The following MYO1E variants were observed in gnomAD, a reference collection of about 807,000 sequenced individuals.
MYO1E encodes the protein myosin IE.
MYO1E carries 68 observed loss-of-function variants against 151.1 expected under a neutral mutation model. That is an observed-to-expected ratio of 0.45 (90% CI 0.37 to 0.55). The LOEUF is 0.55. Among genes scored for constraint, MYO1E ranks in the 20% least tolerant of loss-of-function variants. The pLI, the probability that MYO1E is intolerant of heterozygous loss-of-function variation, is 0.00. For missense variants in MYO1E, 1,363 were observed against 1,389.3 expected, an observed-to-expected ratio of 0.98 and a Z score of 0.30; for synonymous variants, 601 against 501.7, an observed-to-expected ratio of 1.20 and a Z score of -2.64.
intron 16 of MYO1E, among the ~76,000 whole-genome samples, chr15:59,201,479 A>C (rs2079801858): frequency 6.8e-6 from 1 of 146,688 alleles, no homozygotes; most frequent in Non-Finnish European, 1.5e-5. Flanking sequence ...ATCTTGGCTC[A>C]CTGCAACCTC....
chr15:59,367,330 C>G (rs1035766870), intron 1 of MYO1E, among the ~76,000 whole-genome samples: 1 of 151,280 alleles, frequency 6.6e-6, no homozygotes, highest in Non-Finnish European at 1.5e-5. Flanking sequence ...ATCTAACCCT[C>G]AGGAAAACGC....
At chr15:59,185,953 T>C (rs1245746941) in intron 18 of MYO1E, among the ~76,000 whole-genome samples, 2 of 151,818 alleles carry the variant, frequency 1.3e-5, no homozygotes, top group African/African-American at 4.8e-5. Context: ...TGGTCTGAGG[T>C]TGAGAAAACC....
At chr15:59,366,122 G>A (rs1456188102) in intron 1 of MYO1E, among the ~76,000 whole-genome samples, 1 of 152,014 alleles carries the variant, frequency 6.6e-6, no homozygotes, top group Non-Finnish European at 1.5e-5. Flanking sequence ...TGCGATTACA[G>A]GCATGCACCA....
intron 1 of MYO1E, among the ~76,000 whole-genome samples, chr15:59,370,413 G>C (rs927802601): frequency 1.3e-5 from 2 of 152,206 alleles, no homozygotes; most frequent in African/African-American, 4.8e-5. Flanking sequence ...AATCACTCTG[G>C]ATCCAGTAGA....
At chr15:59,206,974 CAG>C (rs781401201) in intron 14 of MYO1E, 22 of 1,614,104 alleles carry the variant, frequency 1.4e-5, no homozygotes, top group South Asian at 1.1e-5. Context: ...GCGGGCCAGC[CAG>C]AGAGTGAGCT....
Position 59,231,770 on chromosome 15 carries a change from G to A in MYO1E, c.442C>T (p.Gln148Ter), listed in dbSNP as rs1487961970. 1 of 1,614,032 alleles carries A rather than the reference G, an allele frequency of 6.2e-7. No individual in the cohort carries two copies. Among genetic ancestry groups the A allele is most frequent in the Non-Finnish European group, 8.5e-7 (1 of 1,180,006 alleles). Reference sequence around the variant, plus strand: ...AAGGCCTCCAGCAGCGGGTTGGACTGCAGGATAATGTCCTTCACGTGCTGT... The same window carrying A: ...AAGGCCTCCAGCAGCGGGTTGGACTACAGGATAATGTCCTTCACGTGCTGT... The part of the protein sequence containing the change: ...KVQHVKDIIL[Q>*]SNPLLEAFGN... Residue 148 changes from glutamine (Q) to a stop codon, truncating the protein, a stop_gained, in exon 6 of 28, where the codon CAG becomes TAG. Coordinates refer to ENST00000288235, the MANE Select transcript of MYO1E (RefSeq NM_004998.4). LOFTEE classifies it high-confidence loss of function.
Position 59,354,481 on chromosome 15 carries a change from C to T in MYO1E, c.3+18017G>A, listed in dbSNP as rs534884836. ...AGCAGCCTAACCACTCCCCCACAAA[C>T]GTCAGAAAAGCCCTCGCTTGGGGTC... On this transcript the variant is annotated intron_variant, in intron 1 of 27. Transcript: ENST00000288235. Among the ~76,000 whole-genome samples the T allele has an allele frequency of 3.9e-5, 6 of 152,290 alleles. No homozygotes were observed. In the East Asian group the frequency reaches 1.2e-3, roughly 29 times the overall value.
chr15:59,227,481 C>T lies in MYO1E; in HGVS notation c.620G>A (p.Arg207Gln), dbSNP rs749647245. 1.5e-5 allele frequency: 24 copies of T among 1,614,094 alleles called. No individual in the cohort carries two copies. The highest frequency in any genetic ancestry group is 3.3e-5 in the South Asian group (3 of 91,076). The change falls in exon 7 of 28, where the codon CGG becomes CAG. Residue 207 changes from arginine to glutamine, a missense_variant. Physicochemically the swap from Arg to Gln is conservative, Grantham distance 43. Transcript: ENST00000288235. ...AACCTGGTAAAATATGTGAAAACTCCGCTCTCCTGGGTTCCTCATCACCAC... is the reference window on the plus strand; with the variant it reads ...AACCTGGTAAAATATGTGAAAACTCTGCTCTCCTGGGTTCCTCATCACCAC... Reference protein sequence around the residue: ...SRVVMRNPGERSFHIFYQLIE... With the variant: ...SRVVMRNPGEQSFHIFYQLIE...
intron 26 of MYO1E, among the ~76,000 whole-genome samples, chr15:59,146,046 G>A (rs77173747): frequency 6.6e-6 from 1 of 152,054 alleles, no homozygotes; most frequent in East Asian, 1.9e-4. Context: ...TAGAGACAAG[G>A]TCTTGCTATG....
chr15:59,154,515 T>A (rs140491941), intron 25 of MYO1E, among the ~76,000 whole-genome samples: 11 of 152,360 alleles, frequency 7.2e-5, no homozygotes, highest in African/African-American at 2.4e-4. Flanking sequence ...AGGCCCTTAT[T>A]CATTCTCCCA....
intron 1 of MYO1E, among the ~76,000 whole-genome samples, chr15:59,279,688 C>T (rs1350335961): frequency 6.6e-6 from 1 of 152,138 alleles, no homozygotes; most frequent in Non-Finnish European, 1.5e-5. Context: ...GCTGGTTTTA[C>T]ATGATGACAT....
rs1471747550 is a variant in MYO1E at position 59,135,523 on chromosome 15, A to T, written c.*1857T>A. 6.6e-6 allele frequency: 1 copy of T among 152,156 alleles called. No homozygotes were observed. The highest frequency in any genetic ancestry group is 1.5e-5 in the Non-Finnish European group (1 of 68,032). 9.4% of individuals were successfully genotyped at this position (152,156 alleles called of 1,614,324 possible). A position where few individuals can be genotyped will look rare whatever the true frequency, so the allele number is the denominator to read the frequency against. On this transcript the variant is annotated 3_prime_UTR_variant, in exon 28 of 28. Coordinates refer to ENST00000288235, the MANE Select transcript of MYO1E (RefSeq NM_004998.4). ...TTTAGAGACCACTAGTGTCAACAGG[A>T]TTACCTTTCCTCAACTCACCGCATC...
chr15:59,213,234 G>A (rs1161814720), intron 12 of MYO1E, among the ~76,000 whole-genome samples: 1 of 151,408 alleles, frequency 6.6e-6, no homozygotes. Context: ...GCAGTGGCAC[G>A]ATCTCAGCTC....
At chr15:59,165,776 G>C (rs1292539641) in intron 22 of MYO1E, among the ~76,000 whole-genome samples, 1 of 152,218 alleles carries the variant, frequency 6.6e-6, no homozygotes. Context: ...CCCTAGCCCA[G>C]GTGTAAGAAC....
At chr15:59,207,174 A>C (rs762345365) in intron 14 of MYO1E, 3 of 1,614,052 alleles carry the variant, frequency 1.9e-6, no homozygotes, top group Non-Finnish European at 2.5e-6. Flanking sequence ...TAGGAACTGG[A>C]TCGGTGGGCA....
chr15:59,220,210 A>T (rs2079945686), intron 9 of MYO1E, among the ~76,000 whole-genome samples: 1 of 152,238 alleles, frequency 6.6e-6, no homozygotes, highest in Non-Finnish European at 1.5e-5. Context: ...GCACTTTGGG[A>T]GGCCCAGGCA....
chr15:59,250,029 C>T (rs2080154828), intron 4 of MYO1E, among the ~76,000 whole-genome samples: 1 of 152,046 alleles, frequency 6.6e-6, no homozygotes, highest in Non-Finnish European at 1.5e-5. Flanking sequence ...TGAGCATGAA[C>T]CACGGCATGC....
chr15:59,253,670 T>C (rs903293105), intron 4 of MYO1E, among the ~76,000 whole-genome samples: 3 of 151,946 alleles, frequency 2.0e-5, no homozygotes, highest in Non-Finnish European at 4.4e-5. Flanking sequence ...TTAGTAGAGA[T>C]GGGGTTTCAC....
intron 1 of MYO1E, among the ~76,000 whole-genome samples, chr15:59,300,270 C>T (rs1350959872): frequency 6.6e-6 from 1 of 151,818 alleles, no homozygotes; most frequent in African/African-American, 2.4e-5. Context: ...TTTTCCTGTT[C>T]CCATGGCTCT....
Sources: allele counts gnomAD v4.1 joint callset (sites outside exome capture counted in the v4.1 genomes callset), GRCh38; gene constraint gnomAD v4.1.1; transcripts MANE v1.5; gene names NCBI Gene and HGNC (gene_info 2026-07-23, HGNC 2026-07-21).